Variants in GPC5 observed in about 807,000 individuals in gnomAD.
The protein encoded by GPC5 is glypican-5.
GPC5 carries 47 observed loss-of-function variants against 53.9 expected under a neutral mutation model. The ratio of observed to expected loss-of-function variants is 0.87; its 90% confidence interval spans 0.69 to 1.11. GPC5 has a LOEUF of 1.11. Among genes scored for constraint, GPC5 ranks in the 50% most tolerant of loss-of-function variants. The probability of loss-of-function intolerance (pLI) is 0.00; values close to 1 mark genes in which losing one functional copy is unlikely to be tolerated. For missense variants in GPC5, 748 were observed against 713.1 expected (o/e 1.05, Z -0.56); for synonymous variants, 286 against 263.3 (o/e 1.09, Z -0.84).
chr13:91,502,008 A>T (rs757949297), intron 2 of GPC5, among the ~76,000 whole-genome samples: 6 of 152,156 alleles, frequency 3.9e-5, no homozygotes, highest in Non-Finnish European at 8.8e-5. Context: ...GGTGATGAGC[A>T]TTTTTTAATG....
At chr13:91,631,763 C>T (rs925124978) in intron 2 of GPC5, among the ~76,000 whole-genome samples, 9 of 152,146 alleles carry the variant, frequency 5.9e-5, no homozygotes, top group African/African-American at 1.9e-4. Flanking sequence ...GGGAAATACT[C>T]TTCAGTCTTA....
chr13:92,178,159 A>T (rs543617986), intron 7 of GPC5, among the ~76,000 whole-genome samples: 1 of 152,316 alleles, frequency 6.6e-6, no homozygotes, highest in South Asian at 2.1e-4. Flanking sequence ...TAATAGAAAC[A>T]ATTGCTTCAG....
intron 6 of GPC5, 30 bp downstream of exon 6, chr13:91,908,087 A>G: frequency 2.1e-6 from 3 of 1,410,986 alleles, no homozygotes; most frequent in Middle Eastern, 1.9e-4. Flanking sequence ...TTATTAGTAT[A>G]CTCAGTCATA....
chr13:91,533,188 C>T lies in GPC5; in HGVS notation c.325+84266C>T, dbSNP rs140948586. ...AAAAGGAGGAATGGATGTGGTGACT[C>T]TAGGAAGAGCTAAATGTGGAGTGAC... On this transcript the variant is annotated intron_variant, in intron 2 of 7. Coordinates refer to ENST00000377067, the MANE Select transcript of GPC5 (RefSeq NM_004466.6). 2.0e-3 allele frequency among the ~76,000 whole-genome samples: 302 copies of T among 152,234 alleles called. 2 individuals carry two copies. The highest frequency in any genetic ancestry group is 3.0e-3 in the Non-Finnish European group (205 of 68,006).
At chr13:92,190,847 G>A (rs750074511) in intron 7 of GPC5, among the ~76,000 whole-genome samples, 3 of 151,826 alleles carry the variant, frequency 2.0e-5, no homozygotes, top group African/African-American at 4.8e-5. Flanking sequence ...TAACAAATAC[G>A]GTAGGTTTTA....
chr13:92,716,647 G>A (rs1486962468), intron 7 of GPC5, among the ~76,000 whole-genome samples: 3 of 152,016 alleles, frequency 2.0e-5, no homozygotes, highest in African/African-American at 7.2e-5. Context: ...ATTAATGTAT[G>A]GCTAATATTT....
intron 5 of GPC5, among the ~76,000 whole-genome samples, chr13:91,865,622 G>A (rs546101225): frequency 1.7e-4 from 26 of 152,022 alleles, no homozygotes; most frequent in Admixed American, 6.5e-4. Context: ...GAATTTTCTG[G>A]CACTTCAAAT....
chr13:91,698,869 T>G (rs1187001234), intron 3 of GPC5, among the ~76,000 whole-genome samples: 1 of 152,152 alleles, frequency 6.6e-6, no homozygotes, highest in East Asian at 1.9e-4. Context: ...GTCATGACAC[T>G]TTCACAATAA....
At chr13:91,704,407 A>C (rs979168217) in intron 3 of GPC5, among the ~76,000 whole-genome samples, 2 of 152,200 alleles carry the variant, frequency 1.3e-5, no homozygotes, top group Non-Finnish European at 2.9e-5. Flanking sequence ...CCCCCGCCAC[A>C]GAGCATTCCT....
intron 7 of GPC5, among the ~76,000 whole-genome samples, chr13:92,812,550 G>T (rs1443928256): frequency 1.3e-5 from 2 of 151,742 alleles, no homozygotes; most frequent in Non-Finnish European, 2.9e-5. Flanking sequence ...ATGAAAGAGG[G>T]CATTTATGAA....
chr13:92,251,575 C>T (rs933061089), intron 7 of GPC5, among the ~76,000 whole-genome samples: 63 of 152,154 alleles, frequency 4.1e-4, no homozygotes, highest in African/African-American at 1.2e-3. Flanking sequence ...TGGGAACGAG[C>T]TAACTTCTTT....
intron 6 of GPC5, among the ~76,000 whole-genome samples, chr13:92,031,858 T>TATATATTATATTACATATTATATATA: frequency 1.2e-5 from 1 of 83,232 alleles, no homozygotes; most frequent in African/African-American, 5.0e-5. Flanking sequence ...TTATATATAA[T>TATATATTATATTACATATTATATATA]ATATATATTA....
At chr13:92,178,356 G>T (rs187820192) in intron 7 of GPC5, among the ~76,000 whole-genome samples, 143 of 151,850 alleles carry the variant, frequency 9.4e-4, no homozygotes, top group African/African-American at 3.2e-3. Context: ...AAAACTGGAG[G>T]TATTTGCCAC....
intron 7 of GPC5, among the ~76,000 whole-genome samples, chr13:92,577,716 CA>C (rs1883235012): frequency 6.6e-6 from 1 of 152,022 alleles, no homozygotes; most frequent in African/African-American, 2.4e-5. Flanking sequence ...CTGCAAGTCA[CA>C]AAGTACAAAA....
In GPC5 at chr13:92,224,538, C is replaced by T. The variant is rs566902272; in HGVS notation, c.1561+79549C>T. Among the ~76,000 whole-genome samples the T allele has an allele frequency of 3.3e-5, 5 of 152,306 alleles. No homozygotes were observed. In the South Asian group the frequency reaches 6.2e-4, roughly 19 times the overall value. On this transcript the variant is annotated intron_variant, in intron 7 of 7. Transcript: ENST00000377067. ...TCTGTTAACGGATTTCAATAGGGTCCACCATTCCCAAAGCTGATAAGAGTG... is the reference window on the plus strand; with the variant it reads ...TCTGTTAACGGATTTCAATAGGGTCTACCATTCCCAAAGCTGATAAGAGTG...
rs567478017 is a variant in GPC5 at position 92,547,819 on chromosome 13, C to CTTTTTTTTTTTT, written c.1562-318450_1562-318439dup. Among the ~76,000 whole-genome samples, 207 of 100,448 alleles carry CTTTTTTTTTTTT rather than the reference C, an allele frequency of 2.1e-3. 4 individuals are homozygous for CTTTTTTTTTTTT. Among genetic ancestry groups the CTTTTTTTTTTTT allele is most frequent in the African/African-American group, 6.7e-3 (167 of 24,954 alleles). 65.9% of individuals were successfully genotyped at this position (100,448 alleles called of 152,430 possible). ...AAGAAAACTTATTATGCCTATTATTCTTTTTTTTTTTTTTTTTTTTTTTTC... is the reference window on the plus strand; with the variant it reads ...AAGAAAACTTATTATGCCTATTATTCTTTTTTTTTTTTTTTTTTTTTTTTTTTTTTTTTTTTC... On this transcript the variant is annotated intron_variant, in intron 7 of 7. Transcript: ENST00000377067.
At chr13:92,351,294 T>C (rs2043475146) in intron 7 of GPC5, among the ~76,000 whole-genome samples, 2 of 151,908 alleles carry the variant, frequency 1.3e-5, no homozygotes. Context: ...GGGAATAGTA[T>C]ATATAATTTT....
intron 7 of GPC5, among the ~76,000 whole-genome samples, chr13:92,495,104 G>C (rs1879920527): frequency 6.6e-6 from 1 of 152,118 alleles, no homozygotes; most frequent in South Asian, 2.1e-4. Context: ...AACTTGTTCT[G>C]AGTTCGTCAG....
chr13:92,694,552 A>G (rs1461533507), intron 7 of GPC5, among the ~76,000 whole-genome samples: 2 of 152,340 alleles, frequency 1.3e-5, no homozygotes, highest in African/African-American at 4.8e-5. Context: ...TTGGATTTGC[A>G]TGGGCCTGTC....
Sources: gnomAD v4.1 joint callset for allele counts (sites outside exome capture counted in the v4.1 genomes callset) on GRCh38, gnomAD v4.1.1 for gene constraint, MANE v1.5 for transcripts, NCBI Gene and HGNC (gene_info 2026-07-23, HGNC 2026-07-21) for gene names.